The following CDIN1 variants were observed in gnomAD, a reference collection of about 807,000 sequenced individuals.
CDIN1 encodes the protein CDAN1-interacting nuclease 1.
In CDIN1, 33 loss-of-function variants were observed where a neutral mutation model predicts 45.3. The ratio of observed to expected loss-of-function variants is 0.73; its 90% confidence interval spans 0.55 to 0.97. The LOEUF is 0.97. Ranked by LOEUF, CDIN1 falls within the 50% of genes least tolerant of loss-of-function variation. The pLI is 0.00. For synonymous variants in CDIN1, 118 were observed against 124.4 expected, an observed-to-expected ratio of 0.95 and a Z score of 0.34; for missense variants, 303 against 339.4, an observed-to-expected ratio of 0.89 and a Z score of 0.84.
chr15:36,692,251 G>C, intron 7 of CDIN1, 76 bp downstream of exon 7: 1 of 1,377,516 alleles, frequency 7.3e-7, no homozygotes, highest in Non-Finnish European at 1.0e-6. Flanking sequence ...GCTTTAACCT[G>C]ACATAAAGTT....
intron 1 of CDIN1, among the ~76,000 whole-genome samples, chr15:36,631,849 G>T (rs1430852824): frequency 6.6e-6 from 1 of 152,054 alleles, no homozygotes; most frequent in Admixed American, 6.5e-5. Flanking sequence ...CATATTATTT[G>T]AGACAGGGTC....
chr15:36,685,122 C>T (rs1408661177), intron 5 of CDIN1, among the ~76,000 whole-genome samples: 2 of 149,568 alleles, frequency 1.3e-5, no homozygotes, highest in African/African-American at 4.9e-5. Flanking sequence ...CTTCTGCTAG[C>T]TTTTGAATGT....
Position 36,808,837 on chromosome 15 carries a change from A to ATTTTTTT in CDIN1, c.*387_*393dup. The stretch of plus-strand genomic sequence containing the variant: ...CTCCCAGTTACCGAATCACCCTCTT[A>ATTTTTTT]TTTTTTTTTCCCTAAGCCTCCGTTC... On this transcript the variant is annotated 3_prime_UTR_variant, in exon 11 of 11. Transcript: ENST00000566621. The ATTTTTTT allele has an allele frequency of 2.3e-6, 1 of 439,186 alleles. No individual in the cohort carries two copies. The highest frequency in any genetic ancestry group is 1.6e-5 in the South Asian group (1 of 61,954). 27.2% of individuals were successfully genotyped at this position (439,186 alleles called of 1,614,324 possible). A position where few individuals can be genotyped will look rare whatever the true frequency, so the allele number is the denominator to read the frequency against.
intron 1 of CDIN1, chr15:36,617,030 G>T (rs1163483355): frequency 2.7e-6 from 2 of 742,702 alleles, no homozygotes; most frequent in Non-Finnish European, 2.5e-6. Flanking sequence ...TTGGGGCACG[G>T]GCCTGTGAGC....
chr15:36,783,694 G>A (rs532723299), intron 10 of CDIN1, among the ~76,000 whole-genome samples: 1 of 152,264 alleles, frequency 6.6e-6, no homozygotes, highest in Non-Finnish European at 1.5e-5. Flanking sequence ...GTTGGAATTT[G>A]CTGAAAATAT....
intron 10 of CDIN1, chr15:36,799,781 A>G (rs1302730315): frequency 6.6e-6 from 1 of 152,192 alleles, no homozygotes; most frequent in Non-Finnish European, 1.5e-5. Flanking sequence ...GTAGATTCTT[A>G]TAGGTAAATG....
intron 10 of CDIN1, among the ~76,000 whole-genome samples, chr15:36,769,009 T>C (rs907828058): frequency 9.9e-5 from 15 of 151,790 alleles, no homozygotes; most frequent in Admixed American, 6.6e-4. Flanking sequence ...TTGCAAAAGG[T>C]TGTGGAGAGA....
At chr15:36,589,966 A>G (rs1488540663) in intron 1 of CDIN1, among the ~76,000 whole-genome samples, 1 of 152,180 alleles carries the variant, frequency 6.6e-6, no homozygotes, top group Non-Finnish European at 1.5e-5. Context: ...TGGGGAACTA[A>G]TACCTGCTTC....
At chr15:36,710,427 C>T (rs1044995158) in intron 10 of CDIN1, among the ~76,000 whole-genome samples, 1 of 152,146 alleles carries the variant, frequency 6.6e-6, no homozygotes, top group Non-Finnish European at 1.5e-5. Context: ...CTCATATTAA[C>T]GTTCCCAAAG....
Position 36,709,233 on chromosome 15 carries a change from G to A in CDIN1, c.555G>A (p.Gln185=). ...TTGTTCTTCCTGTAGATGAAGATCA[G>A]CTTCGTGCAAAGGGTTATGACAAAA... The part of the protein sequence containing the change: ...EKNLSFLDED[Q]LRAKGYDKTP... The change falls in exon 9 of 11, where the codon CAG becomes CAA. Residue 185 remains glutamine (Q), a synonymous_variant. Coordinates refer to ENST00000566621, the MANE Select transcript of CDIN1 (RefSeq NM_001321759.2). 1 of 1,600,112 alleles carries A rather than the reference G, an allele frequency of 6.2e-7. No homozygotes were observed. Among genetic ancestry groups the A allele is most frequent in the Non-Finnish European group, 8.5e-7 (1 of 1,173,060 alleles).
At chr15:36,654,941 G>A (rs149261257) in intron 4 of CDIN1, among the ~76,000 whole-genome samples, 1,810 of 152,284 alleles carry the variant, frequency 0.012, 13 homozygotes, top group Non-Finnish European at 0.018. Flanking sequence ...TGCAAACCTC[G>A]TAGGGATGGA....
intron 10 of CDIN1, among the ~76,000 whole-genome samples, chr15:36,798,031 A>G (rs2054876047): frequency 6.6e-6 from 1 of 151,080 alleles, no homozygotes; most frequent in Non-Finnish European, 1.5e-5. Flanking sequence ...TTAGCAAAAA[A>G]AAAAAAAAAA....
chr15:36,713,396 C>A (rs938623395), intron 10 of CDIN1, among the ~76,000 whole-genome samples: 1 of 151,726 alleles, frequency 6.6e-6, no homozygotes, highest in Non-Finnish European at 1.5e-5. Context: ...TGATATACCT[C>A]TCTGCTTCTC....
intron 5 of CDIN1, among the ~76,000 whole-genome samples, chr15:36,683,023 A>G (rs2041911584): frequency 6.6e-6 from 1 of 152,190 alleles, no homozygotes; most frequent in African/African-American, 2.4e-5. Context: ...GATGTATTAG[A>G]GGGAGGCTTC....
intron 10 of CDIN1, among the ~76,000 whole-genome samples, chr15:36,778,503 C>G (rs1461133276): frequency 6.6e-6 from 1 of 152,172 alleles, no homozygotes; most frequent in Non-Finnish European, 1.5e-5. Context: ...TCTCTCCTTG[C>G]AATTATCCCA....
intron 10 of CDIN1, among the ~76,000 whole-genome samples, chr15:36,741,377 T>G (rs1428769031): frequency 3.3e-5 from 5 of 152,164 alleles, no homozygotes; most frequent in Non-Finnish European, 7.3e-5. Flanking sequence ...TTGTAAGTGT[T>G]TAAGTCTGAA....
At chr15:36,677,832 AGT>A (rs1426844659) in intron 5 of CDIN1, among the ~76,000 whole-genome samples, 1 of 152,116 alleles carries the variant, frequency 6.6e-6, no homozygotes. Context: ...TGTGTGTGTG[AGT>A]GTGGAGAAGA....
At chr15:36,799,410 G>C (rs982165080) in intron 10 of CDIN1, 1 of 151,904 alleles carries the variant, frequency 6.6e-6, no homozygotes, top group Non-Finnish European at 1.5e-5. Flanking sequence ...TCATCCTCCC[G>C]TTTCCCAGTG....
At chr15:36,619,563 G>A (rs1322465101) in intron 1 of CDIN1, among the ~76,000 whole-genome samples, 1 of 142,346 alleles carries the variant, frequency 7.0e-6, no homozygotes, top group Non-Finnish European at 1.5e-5. Context: ...TTCTATTTTT[G>A]TTTTTGGTTT....
Sources: allele counts gnomAD v4.1 joint callset (sites outside exome capture counted in the v4.1 genomes callset), GRCh38; gene constraint gnomAD v4.1.1; transcripts MANE v1.5; gene names NCBI Gene and HGNC (gene_info 2026-07-23, HGNC 2026-07-21).